The following ME1 variants were observed in gnomAD, a reference collection of about 807,000 sequenced individuals.
ME1 encodes malic enzyme 1, also known as NADP-dependent malic enzyme.
A neutral mutation model predicts 66.4 loss-of-function variants in ME1; 74 were observed. The observed-to-expected ratio is 1.11, with a 90% CI of 0.92 to 1.35. The LOEUF (loss-of-function observed/expected upper bound fraction) is 1.35. Among genes scored for constraint, ME1 ranks in the 40% most tolerant of loss-of-function variants. The pLI is 0.00. For synonymous variants in ME1, 251 were observed against 235.6 expected (o/e 1.07, Z -0.60); for missense variants, 750 against 694.1 (o/e 1.08, Z -0.90).
chr6:83,274,731 G>GA (rs1159114846), intron 6 of ME1, among the ~76,000 whole-genome samples: 1 of 152,120 alleles, frequency 6.6e-6, no homozygotes, highest in Non-Finnish European at 1.5e-5. Flanking sequence ...ATCTGATATG[G>GA]AAAATATACC....
At chr6:83,279,312 G>A (rs1767246599) in intron 6 of ME1, among the ~76,000 whole-genome samples, 1 of 152,130 alleles carries the variant, frequency 6.6e-6, no homozygotes, top group Admixed American at 6.5e-5. Context: ...TAAAAGGCAA[G>A]AAATATAGTC....
At chr6:83,404,685 A>C (rs1769904828) in intron 2 of ME1, among the ~76,000 whole-genome samples, 1 of 152,170 alleles carries the variant, frequency 6.6e-6, no homozygotes, top group South Asian at 2.1e-4. Flanking sequence ...ATTTTTGTAT[A>C]AGCTGTAAGG....
chr6:83,427,338 G>T (rs1770392244), intron 1 of ME1, among the ~76,000 whole-genome samples: 2 of 152,162 alleles, frequency 1.3e-5, no homozygotes, highest in African/African-American at 4.8e-5. Context: ...GAAAATTTTT[G>T]AATTCATACC....
intron 2 of ME1, among the ~76,000 whole-genome samples, chr6:83,400,394 C>G (rs533679399): frequency 6.6e-6 from 1 of 152,168 alleles, no homozygotes; most frequent in Admixed American, 6.5e-5. Context: ...CATGTTTGTA[C>G]AACCTGCTGA....
chr6:83,319,017 A>G (rs1242916474), intron 5 of ME1, among the ~76,000 whole-genome samples: 3 of 149,074 alleles, frequency 2.0e-5, no homozygotes, highest in Non-Finnish European at 4.5e-5. Flanking sequence ...CATGGATGAA[A>G]TTGGAAATCA....
At chr6:83,223,344 G>A (rs1790127052) in intron 12 of ME1, among the ~76,000 whole-genome samples, 1 of 152,092 alleles carries the variant, frequency 6.6e-6, no homozygotes, top group Non-Finnish European at 1.5e-5. Flanking sequence ...TAGTAGAGAT[G>A]AAGTTTCACC....
At chr6:83,252,580 C>T (rs906296786) in intron 7 of ME1, among the ~76,000 whole-genome samples, 3 of 152,020 alleles carry the variant, frequency 2.0e-5, no homozygotes, top group African/African-American at 2.4e-5. Flanking sequence ...GGATTATAGG[C>T]GCCTAAGTGG....
At chr6:83,270,105 G>A (rs948534465) in intron 6 of ME1, among the ~76,000 whole-genome samples, 3 of 151,984 alleles carry the variant, frequency 2.0e-5, no homozygotes, top group African/African-American at 4.8e-5. Flanking sequence ...AAAAAATGGT[G>A]CTGCAGCAAG....
At chr6:83,222,108 CACTG>C (rs1470341046) in intron 12 of ME1, among the ~76,000 whole-genome samples, 2 of 152,030 alleles carry the variant, frequency 1.3e-5, no homozygotes, top group Admixed American at 1.3e-4. Context: ...AGAAAGAAAA[CACTG>C]ACTACTGCAG....
intron 8 of ME1, among the ~76,000 whole-genome samples, chr6:83,238,252 A>G (rs562498268): frequency 1.2e-4 from 18 of 152,324 alleles, no homozygotes; most frequent in African/African-American, 4.3e-4. Context: ...GATGAAAAAT[A>G]AAAGATCTGT....
chr6:83,264,795 GT>G (rs748828014), intron 6 of ME1, among the ~76,000 whole-genome samples: 5 of 152,178 alleles, frequency 3.3e-5, no homozygotes, highest in Non-Finnish European at 5.9e-5. Context: ...AGCAAAGAAA[GT>G]GTTTTTTTGA....
intron 9 of ME1, among the ~76,000 whole-genome samples, chr6:83,232,609 A>G (rs906538223): frequency 6.6e-6 from 1 of 152,208 alleles, no homozygotes; most frequent in African/African-American, 2.4e-5. Flanking sequence ...ATCAAGCCAG[A>G]TACTTTTTAC....
intron 5 of ME1, among the ~76,000 whole-genome samples, chr6:83,322,104 T>C (rs1039534298): frequency 5.3e-5 from 8 of 152,058 alleles, no homozygotes; most frequent in African/African-American, 1.7e-4. Flanking sequence ...AGGAAGAGCA[T>C]GAACATCAAC....
At chr6:83,255,675 T>C (rs1348553233) in intron 6 of ME1, among the ~76,000 whole-genome samples, 1 of 152,142 alleles carries the variant, frequency 6.6e-6, no homozygotes, top group Admixed American at 6.6e-5. Context: ...TAACAGTCCA[T>C]CCTTCTCCTC....
intron 3 of ME1, among the ~76,000 whole-genome samples, chr6:83,353,307 T>C (rs1273465826): frequency 6.6e-6 from 1 of 152,222 alleles, no homozygotes; most frequent in African/African-American, 2.4e-5. Context: ...AGTAGCTTAT[T>C]TTGCTAAATG....
chr6:83,241,250 A>C (rs1173114022), intron 7 of ME1, among the ~76,000 whole-genome samples: 1 of 152,168 alleles, frequency 6.6e-6, no homozygotes. Context: ...CTTTTGAAGT[A>C]AACTGCCCAG....
chr6:83,352,161 AAG>A, intron 3 of ME1, 22 bp from the exon 4 acceptor site: 2 of 1,444,310 alleles, frequency 1.4e-6, no homozygotes, highest in Non-Finnish European at 1.9e-6. Flanking sequence ...AAAAAAAAAA[AAG>A]GAGTAGTTTA....
chr6:83,365,715 A>T (rs1769090658), intron 3 of ME1, among the ~76,000 whole-genome samples: 1 of 151,740 alleles, frequency 6.6e-6, no homozygotes, highest in South Asian at 2.1e-4. Context: ...CCTGTCCCTC[A>T]CTCCCACCCC....
At chr6:83,240,808 T>C (rs1182321619) in intron 7 of ME1, among the ~76,000 whole-genome samples, 1 of 152,170 alleles carries the variant, frequency 6.6e-6, no homozygotes, top group African/African-American at 2.4e-5. Context: ...ATTTGTTCTA[T>C]TCAATCTTTT....
Sources: allele counts gnomAD v4.1 joint callset (sites outside exome capture counted in the v4.1 genomes callset), GRCh38; gene constraint gnomAD v4.1.1; transcripts MANE v1.5; gene names NCBI Gene and HGNC (gene_info 2026-07-23, HGNC 2026-07-21).